CADM1: variants seen among roughly 807,000 people sequenced by gnomAD.
The protein encoded by CADM1 is cell adhesion molecule 1, also known as TSLC-1.
A neutral mutation model predicts 53.1 loss-of-function variants in CADM1; 15 were observed. That is an observed-to-expected ratio of 0.28 (90% confidence interval 0.19 to 0.44). The LOEUF (loss-of-function observed/expected upper bound fraction) is 0.44, where lower values mean the gene tolerates loss of function less well. CADM1 is among the 20% of genes least tolerant of loss of function. The pLI, the probability that CADM1 is intolerant of heterozygous loss-of-function variation, is 1.00. For missense variants in CADM1, 434 were observed against 611.3 expected, an observed-to-expected ratio of 0.71 and a Z score of 3.06; for synonymous variants, 281 against 243.0, an observed-to-expected ratio of 1.16 and a Z score of -1.45.
At chr11:115,420,764 T>C (rs908203910) in intron 1 of CADM1, among the ~76,000 whole-genome samples, 4 of 152,200 alleles carry the variant, frequency 2.6e-5, no homozygotes, top group African/African-American at 9.6e-5. Flanking sequence ...CGTGATCTTC[T>C]TGGCTTACTG....
Position 115,175,768 on chromosome 11 carries a change from T to A in CADM1, c.*706A>T. On this transcript the variant is annotated 3_prime_UTR_variant, in exon 12 of 12. Transcript: ENST00000331581. ...AGATAACCCTGTACAGTAATGTAGT[T>A]CCACAGCAAACAGAACATTTTCTGA... The A allele has an allele frequency of 1.0e-6, 1 of 993,482 alleles. No homozygotes were observed. The highest frequency in any genetic ancestry group is 1.2e-6 in the Non-Finnish European group (1 of 834,762). The allele number at this position is 993,482 out of a possible 1,614,324, so 61.5% of individuals were successfully genotyped here. A position where few individuals can be genotyped will look rare whatever the true frequency, so the allele number is the denominator to read the frequency against.
chr11:115,465,802 G>A (rs925827511), intron 1 of CADM1, among the ~76,000 whole-genome samples: 2 of 152,122 alleles, frequency 1.3e-5, no homozygotes, highest in Non-Finnish European at 2.9e-5. Flanking sequence ...GGCAGGAAAA[G>A]TAGAACCAGT....
chr11:115,495,190 G>C (rs1949583196), intron 1 of CADM1, among the ~76,000 whole-genome samples: 1 of 152,032 alleles, frequency 6.6e-6, no homozygotes, highest in East Asian at 1.9e-4. Flanking sequence ...TTTAAATAAG[G>C]GTTTCTGCAA....
At chr11:115,340,658 A>ATATATATTT (rs60532835) in intron 1 of CADM1, among the ~76,000 whole-genome samples, 29 of 34,938 alleles carry the variant, frequency 8.3e-4, no homozygotes, top group Non-Finnish European at 1.1e-3. Flanking sequence ...ATATATATAT[A>ATATATATTT]TTTTTTTTTT....
At chr11:115,433,573 G>A (rs1948109990) in intron 1 of CADM1, among the ~76,000 whole-genome samples, 1 of 152,180 alleles carries the variant, frequency 6.6e-6, no homozygotes, top group Non-Finnish European at 1.5e-5. Context: ...AGGAACAGAA[G>A]GAAGCAAACG....
chr11:115,417,840 G>A lies in CADM1; in HGVS notation c.124+86431C>T, dbSNP rs182904942. 5.3e-3 allele frequency among the ~76,000 whole-genome samples: 813 copies of A among 152,270 alleles called. 1 individual carries two copies. Among genetic ancestry groups the A allele is most frequent in the Non-Finnish European group, 9.3e-3 (635 of 68,014 alleles). ...AACAAAAGTGAAACCATGGGCAAGC[G>A]GGGGCTACTGCAGATCATGCCTGAT... On this transcript the variant is annotated intron_variant, in intron 1 of 11. Coordinates refer to ENST00000331581, the MANE Select transcript of CADM1 (RefSeq NM_001301043.2).
chr11:115,504,403 C>T lies in CADM1; in HGVS notation c.-9G>A, dbSNP rs1949810529. ...AGCACTACACTCGCCATGTCGGGCACCTGCCTCAGACTGGCGGCGTTGGCT... is the reference window on the plus strand; with the variant it reads ...AGCACTACACTCGCCATGTCGGGCATCTGCCTCAGACTGGCGGCGTTGGCT... On this transcript the variant is annotated 5_prime_UTR_variant, in exon 1 of 12. The change creates a new upstream start codon in the 5' untranslated region. Coordinates refer to ENST00000331581, the MANE Select transcript of CADM1 (RefSeq NM_001301043.2). 6.5e-7 allele frequency: 1 copy of T among 1,544,678 alleles called. No homozygotes were observed. Among genetic ancestry groups the T allele is most frequent in the South Asian group, 1.2e-5 (1 of 83,940 alleles).
At chr11:115,346,211 T>C (rs1486840106) in intron 1 of CADM1, among the ~76,000 whole-genome samples, 8 of 152,166 alleles carry the variant, frequency 5.3e-5, no homozygotes, top group Admixed American at 3.3e-4. Context: ...AATCCCAAAT[T>C]GACTTACCTT....
At chr11:115,184,760 A>C (rs1939465927) in intron 10 of CADM1, among the ~76,000 whole-genome samples, 1 of 152,252 alleles carries the variant, frequency 6.6e-6, no homozygotes, top group Admixed American at 6.5e-5. Flanking sequence ...GGAAAACTGC[A>C]GTGATCATCC....
intron 1 of CADM1, among the ~76,000 whole-genome samples, chr11:115,241,253 C>T (rs1037891261): frequency 6.6e-6 from 1 of 152,170 alleles, no homozygotes; most frequent in African/African-American, 2.4e-5. Context: ...AAATGATCCA[C>T]CGTACAGGTA....
chr11:115,313,650 C>G (rs1458713162), intron 1 of CADM1, among the ~76,000 whole-genome samples: 1 of 152,162 alleles, frequency 6.6e-6, no homozygotes, highest in Non-Finnish European at 1.5e-5. Context: ...ACAAGGCTGG[C>G]CTGCTCCTCT....
intron 1 of CADM1, among the ~76,000 whole-genome samples, chr11:115,257,470 A>G (rs1942828019): frequency 1.3e-5 from 2 of 152,238 alleles, no homozygotes; most frequent in Non-Finnish European, 2.9e-5. Flanking sequence ...AGCACTAAAT[A>G]TGTCCAAAGC....
intron 1 of CADM1, chr11:115,399,288 T>C (rs890759191): frequency 3.3e-5 from 5 of 152,168 alleles, no homozygotes; most frequent in African/African-American, 1.2e-4. Context: ...AGACTACACA[T>C]ACAAAGAGTT....
At chr11:115,475,247 AT>A (rs928539701) in intron 1 of CADM1, among the ~76,000 whole-genome samples, 3 of 152,062 alleles carry the variant, frequency 2.0e-5, no homozygotes, top group African/African-American at 7.2e-5. Flanking sequence ...TATTTGTATC[AT>A]TTTTTATTGT....
chr11:115,204,104 A>C (rs1940566347), intron 8 of CADM1, among the ~76,000 whole-genome samples: 1 of 152,250 alleles, frequency 6.6e-6, no homozygotes, highest in Non-Finnish European at 1.5e-5. Context: ...AAGGCAATTT[A>C]GTAAACATTC....
At chr11:115,430,437 A>G (rs1726116932) in intron 1 of CADM1, among the ~76,000 whole-genome samples, 1 of 152,222 alleles carries the variant, frequency 6.6e-6, no homozygotes, top group Non-Finnish European at 1.5e-5. Context: ...ATCTTCTTGA[A>G]TTATAAACCT....
Position 115,369,685 on chromosome 11 carries a change from C to G in CADM1, c.125-129265G>C, listed in dbSNP as rs751029701. ...ATTTGCAATCACCTAATATTAACAACAGAAATAAAATTCAACCACCTCACT... is the reference window on the plus strand; with the variant it reads ...ATTTGCAATCACCTAATATTAACAAGAGAAATAAAATTCAACCACCTCACT... On this transcript the variant is annotated intron_variant, in intron 1 of 11. Coordinates refer to ENST00000331581, the MANE Select transcript of CADM1 (RefSeq NM_001301043.2). 5.0e-4 allele frequency among the ~76,000 whole-genome samples: 76 copies of G among 152,100 alleles called. 1 individual carries two copies. Among genetic ancestry groups the G allele is most frequent in the Non-Finnish European group, 9.0e-4 (61 of 67,996 alleles).
chr11:115,484,670 G>A (rs115126371), intron 1 of CADM1, among the ~76,000 whole-genome samples: 29 of 152,220 alleles, frequency 1.9e-4, no homozygotes, highest in African/African-American at 5.1e-4. Context: ...AACCTGGGCC[G>A]GGCGCGGTGG....
At chr11:115,342,742 A>G (rs910142618) in intron 1 of CADM1, among the ~76,000 whole-genome samples, 14 of 152,120 alleles carry the variant, frequency 9.2e-5, no homozygotes, top group African/African-American at 2.4e-4. Context: ...CTCACATTGC[A>G]TATTTTACCA....
Sources: gnomAD v4.1 joint callset for allele counts (sites outside exome capture counted in the v4.1 genomes callset) on GRCh38, gnomAD v4.1.1 for gene constraint, MANE v1.5 for transcripts, NCBI Gene and HGNC (gene_info 2026-07-23, HGNC 2026-07-21) for gene names.